MARF1: variants seen among roughly 807,000 people sequenced by gnomAD.
MARF1 encodes the protein limkain-b1.
In MARF1, 24 loss-of-function variants were observed where a neutral mutation model predicts 168.2. The ratio of observed to expected loss-of-function variants is 0.14; its 90% CI spans 0.10 to 0.20. The LOEUF is 0.20. Among genes scored for constraint, MARF1 ranks in the 10% least tolerant of loss-of-function variants. The pLI, the probability that MARF1 is intolerant of heterozygous loss-of-function variation, is 1.00. For missense variants in MARF1, 1,744 were observed against 2,143.6 expected (o/e 0.81, Z 3.68); for synonymous variants, 868 against 822.4 (o/e 1.06, Z -0.95).
intron 1 of MARF1, among the ~76,000 whole-genome samples, chr16:15,642,674 T>C (rs1216023629): frequency 1.3e-5 from 2 of 152,076 alleles, no homozygotes; most frequent in East Asian, 3.9e-4. Flanking sequence ...GGGGAGTGTG[T>C]TGCAAAAACA....
rs369662480 is a variant in MARF1 at position 15,636,073 on chromosome 16, C to T, written c.414G>A (p.Ser138=). The T allele has an allele frequency of 7.8e-5, 126 of 1,614,088 alleles. 1 individual carries two copies. The highest frequency in any genetic ancestry group is 5.6e-4 in the African/African-American group (42 of 74,932). Residue 138 remains serine (S), a synonymous_variant, in exon 3 of 27, where the codon TCG becomes TCA. Coordinates refer to ENST00000396368, the MANE Select transcript of MARF1 (RefSeq NM_014647.4). ...GACACGTGATTGTCCTGGTGCTTTG[C>T]GAGTCTAACAGTGCGCCCGGGTGAA... ...SLIHPGALLD[S]QSTRTITCQV... is the part of the protein sequence containing the mutation.
chr16:15,621,915 C>T lies in MARF1; in HGVS notation c.2461-4G>A. The T allele has an allele frequency of 6.2e-7, 1 of 1,611,108 alleles. No homozygotes were observed. Among genetic ancestry groups the T allele is most frequent in the Non-Finnish European group, 8.5e-7 (1 of 1,178,952 alleles). The stretch of plus-strand genomic sequence containing the variant: ...GGCTGAGCTCAACACTCTTCACCTA[C>T]AACAGGAAAAGCGAAAACTAAACGC... On this transcript the variant is annotated splice_region_variant and splice_polypyrimidine_tract_variant and intron_variant, in intron 11 of 26. Transcript: ENST00000396368.
chr16:15,618,908 A>G (rs1321942648), intron 13 of MARF1, among the ~76,000 whole-genome samples: 1 of 152,176 alleles, frequency 6.6e-6, no homozygotes, highest in Non-Finnish European at 1.5e-5. Context: ...CTGTGCAACC[A>G]TCATCCCAGT....
In MARF1 at chr16:15,625,529, G is replaced by C. The variant is rs1394692682; in HGVS notation, c.1796C>G (p.Ala599Gly). The C allele has an allele frequency of 6.2e-7, 1 of 1,614,168 alleles. No individual in the cohort carries two copies. Among genetic ancestry groups the C allele is most frequent in the East Asian group, 2.2e-5 (1 of 44,884 alleles). Reference sequence around the variant, plus strand: ...TTTTTTGGGAGACTTCACTTTATCAGCAATTGCATTTGAACTCTTTGTTTC... The same window carrying C: ...TTTTTTGGGAGACTTCACTTTATCACCAATTGCATTTGAACTCTTTGTTTC... ...LCETKSSNAI[A>G]DKVKSPKKLK... Residue 599 changes from alanine (A) to glycine (G), a missense_variant, in exon 8 of 27, where the codon GCT (alanine) becomes GGT (glycine). Transcript: ENST00000396368.
At position 15,636,267 on chromosome 16, in the gene MARF1, G is replaced by A; in HGVS notation, c.220C>T (p.Leu74Phe). Reference sequence around the variant, plus strand: ...TCAGGAAGTGGGACTGCTGGAAAAAGCTTAGAGCCAGCATGAAGGGGTGAT... The same window carrying A: ...TCAGGAAGTGGGACTGCTGGAAAAAACTTAGAGCCAGCATGAAGGGGTGAT... Reference protein sequence around the residue: ...VPSPLHAGSKLFPAVPLPDIR... With the variant: ...VPSPLHAGSKFFPAVPLPDIR... The change falls in exon 3 of 27, where the codon CTT (leucine) becomes TTT (phenylalanine). Residue 74 changes from leucine to phenylalanine, a missense_variant. Leu to Phe is a conservative substitution (Grantham distance 22). Around this residue, in one of 7 missense-constraint regions of MARF1, gnomAD observed 318 missense variants for 336.6 expected, o/e 0.94. Transcript: ENST00000396368. 6.2e-7 allele frequency: 1 copy of A among 1,613,564 alleles called. No homozygotes were observed. Among genetic ancestry groups the A allele is most frequent in the South Asian group, 1.1e-5 (1 of 91,010 alleles).
At chr16:15,602,580 TGAA>T (rs371777270) in intron 22 of MARF1, 54 of 363,054 alleles carry the variant, frequency 1.5e-4, no homozygotes, top group African/African-American at 1.5e-3. Context: ...ATGAAGAAGA[TGAA>T]GATGACAAAA....
At chr16:15,637,732 C>T (rs1461907174) in intron 2 of MARF1, among the ~76,000 whole-genome samples, 1 of 152,180 alleles carries the variant, frequency 6.6e-6, no homozygotes, top group East Asian at 1.9e-4. Context: ...GGAAGCCTTG[C>T]TTTTGATGCC....
chr16:15,608,033 A>T (rs1720980071), intron 21 of MARF1, among the ~76,000 whole-genome samples: 1 of 152,216 alleles, frequency 6.6e-6, no homozygotes, highest in Non-Finnish European at 1.5e-5. Flanking sequence ...TGACCTCATC[A>T]GTTCACAAAG....
chr16:15,635,827 G>T lies in MARF1; in HGVS notation c.660C>A (p.Ser220=). ...AATCAGAACAGGGGAAATAGCCAGC[G>T]GAGGTGCAGCCCTGCAGACTCGGAA... ...HQFPSLQGCT[S]AGYFPCSDFT... Residue 220 remains serine (S), a synonymous_variant, in exon 3 of 27, where the codon TCC becomes TCA. Coordinates refer to ENST00000396368, the MANE Select transcript of MARF1 (RefSeq NM_014647.4). 6.2e-7 allele frequency: 1 copy of T among 1,614,216 alleles called. No homozygotes were observed. Among genetic ancestry groups the T allele is most frequent in the African/African-American group, 1.3e-5 (1 of 75,054 alleles).
At chr16:15,642,434 A>G (rs1404305768) in intron 1 of MARF1, 2 of 152,238 alleles carry the variant, frequency 1.3e-5, no homozygotes, top group East Asian at 1.9e-4. Context: ...CAATACACCG[A>G]TATGCAAAAG....
At chr16:15,632,119 G>A (rs904907046) in intron 5 of MARF1, among the ~76,000 whole-genome samples, 3 of 152,146 alleles carry the variant, frequency 2.0e-5, no homozygotes, top group Admixed American at 2.0e-4. Flanking sequence ...TATGAACTGG[G>A]TTTGTGACTA....
chr16:15,598,714 A>C, intron 26 of MARF1, 140 bp downstream of exon 26: 1 of 846,260 alleles, frequency 1.2e-6, no homozygotes, highest in Non-Finnish European at 1.8e-6. Flanking sequence ...TGGGGAAAGA[A>C]GGTCGAATAA....
chr16:15,637,309 G>A (rs974126292), intron 2 of MARF1, among the ~76,000 whole-genome samples: 11 of 152,144 alleles, frequency 7.2e-5, no homozygotes, highest in African/African-American at 2.7e-4. Flanking sequence ...AGATGAAGAG[G>A]GGGCCCTGCT....
chr16:15,611,433 C>T (rs1176258459), intron 18 of MARF1, among the ~76,000 whole-genome samples, 159 bp downstream of exon 18: 6 of 124,334 alleles, frequency 4.8e-5, no homozygotes, highest in East Asian at 4.8e-4. Context: ...GGCGACAGAG[C>T]GAGACTCCGT....
At chr16:15,606,416 G>A (rs1003962600) in intron 21 of MARF1, among the ~76,000 whole-genome samples, 7 of 151,968 alleles carry the variant, frequency 4.6e-5, no homozygotes, top group Admixed American at 3.3e-4. Context: ...CAGAGTCTAC[G>A]GTGCCAACTT....
chr16:15,622,991 T>C lies in MARF1; in HGVS notation c.2403A>G (p.Arg801=). The change falls in exon 11 of 27, where the codon AGA becomes AGG. Residue 801 remains arginine (R), a synonymous_variant. Coordinates refer to ENST00000396368, the MANE Select transcript of MARF1 (RefSeq NM_014647.4). ...ADVQVSNIDY[R]LSRKELQQLL... Reference sequence around the variant, plus strand: ...GCTGCTGCAGCTCCTTCCGGGATAATCTGTAGTCTATGTTGCTGACTTGGA... The same window carrying C: ...GCTGCTGCAGCTCCTTCCGGGATAACCTGTAGTCTATGTTGCTGACTTGGA... The C allele has an allele frequency of 6.2e-7, 1 of 1,602,770 alleles. No homozygotes were observed. The highest frequency in any genetic ancestry group is 8.5e-7 in the Non-Finnish European group (1 of 1,170,782).
In MARF1 at chr16:15,611,598, T is replaced by A; in HGVS notation, c.3611A>T (p.Tyr1204Phe). Residue 1204 changes from tyrosine (Y) to phenylalanine (F), a missense_variant, in exon 18 of 27, where the codon TAT (tyrosine) becomes TTT (phenylalanine). Tyr to Phe is a conservative substitution (Grantham distance 22). Transcript: ENST00000396368. Reference sequence around the variant, plus strand: ...GTTCTTTTCATCAACTCACCAGTGATAAGCCTGTGAGAATTCTCTCACAAT... The same window carrying A: ...GTTCTTTTCATCAACTCACCAGTGAAAAGCCTGTGAGAATTCTCTCACAAT... Reference protein sequence around the residue: ...QVIVREFSQAYHWCFSKDWDV... With the variant: ...QVIVREFSQAFHWCFSKDWDV... The A allele has an allele frequency of 6.2e-7, 1 of 1,613,992 alleles. No homozygotes were observed. The highest frequency in any genetic ancestry group is 8.5e-7 in the Non-Finnish European group (1 of 1,179,924).
chr16:15,632,423 C>A (rs367923720), intron 5 of MARF1, among the ~76,000 whole-genome samples: 2 of 152,026 alleles, frequency 1.3e-5, no homozygotes, highest in African/African-American at 2.4e-5. Context: ...TTTTAGTTTC[C>A]GTCCCTACTA....
rs2037607943 is a variant in MARF1, at chr16:15,596,853, G to T, written c.5069C>A (p.Ser1690Tyr). Reference sequence around the variant, plus strand: ...CACGGGGACAGCTGCTGAGATGCAGGACGAGCTGGAGTCAGAGGTCAGAGT... The same window carrying T: ...CACGGGGACAGCTGCTGAGATGCAGTACGAGCTGGAGTCAGAGGTCAGAGT... ...SKTLTSDSSS[S>Y]CISAAVPVPP... The change falls in exon 27 of 27, where the codon TCC (serine) becomes TAC (tyrosine). Residue 1690 changes from serine to tyrosine, a missense_variant. Ser to Tyr is a moderately radical substitution (Grantham distance 144). Around this residue, in one of 7 missense-constraint regions of MARF1, gnomAD observed 313 missense variants for 337.4 expected, o/e 0.93. Coordinates refer to ENST00000396368, the MANE Select transcript of MARF1 (RefSeq NM_014647.4). 6.8e-6 allele frequency: 11 copies of T among 1,614,020 alleles called. No homozygotes were observed. The South Asian group carries it at 1.1e-4, about 16-fold the overall frequency.
Sources: allele counts gnomAD v4.1 joint callset (sites outside exome capture counted in the v4.1 genomes callset), GRCh38; gene constraint gnomAD v4.1.1; regional missense constraint gnomAD v4.1.1; transcripts MANE v1.5; gene names NCBI Gene and HGNC (gene_info 2026-07-23, HGNC 2026-07-21).